Variants in MDGA2 observed in about 807,000 individuals in gnomAD.
The protein encoded by MDGA2 is MAM domain containing glycosylphosphatidylinositol anchor 2.
A neutral mutation model predicts 117.8 loss-of-function variants in MDGA2; 40 were observed. The ratio of observed to expected loss-of-function variants is 0.34; its 90% CI spans 0.26 to 0.44. MDGA2 has a LOEUF of 0.44. Among genes scored for constraint, MDGA2 ranks in the 20% least tolerant of loss-of-function variants. The probability of loss-of-function intolerance (pLI) is 1.00; values close to 1 mark genes in which losing one functional copy is unlikely to be tolerated. For synonymous variants in MDGA2, 452 were observed against 439.0 expected (o/e 1.03, Z -0.37); for missense variants, 1,123 against 1,250.6 (o/e 0.90, Z 1.54).
At position 47,086,236 on chromosome 14, in the gene MDGA2, A is replaced by G. The variant is rs762262604; in HGVS notation, c.1195+10618T>C. ...ATTCTCATACAGTTTTCAGAAAAGT[A>G]TATTTGTTGAGCCAACAAAGTAAAA... is the stretch of plus-strand genomic sequence containing the variant. On this transcript the variant is annotated intron_variant, in intron 6 of 16. Coordinates refer to ENST00000399232, the MANE Select transcript of MDGA2 (RefSeq NM_001113498.3). Among the ~76,000 whole-genome samples, 7 of 152,070 alleles carry G rather than the reference A, an allele frequency of 4.6e-5. No homozygotes were observed. In the East Asian group the frequency reaches 1.2e-3, roughly 25 times the overall value.
intron 1 of MDGA2, among the ~76,000 whole-genome samples, chr14:47,636,428 G>A (rs1693022009): frequency 6.6e-6 from 1 of 152,062 alleles, no homozygotes; most frequent in Non-Finnish European, 1.5e-5. Context: ...CACTAAAATT[G>A]TTGTAGCTAC....
intron 2 of MDGA2, among the ~76,000 whole-genome samples, chr14:47,230,509 C>G (rs1886652761): frequency 6.6e-6 from 1 of 151,976 alleles, no homozygotes. Flanking sequence ...ATCTGCCCCT[C>G]TGCATTTTTC....
chr14:47,443,714 T>C (rs1893063003), intron 1 of MDGA2, among the ~76,000 whole-genome samples: 1 of 152,154 alleles, frequency 6.6e-6, no homozygotes, highest in Non-Finnish European at 1.5e-5. Context: ...AGAATAAAAA[T>C]TGAGATATCA....
At chr14:47,454,900 C>T (rs1416006429) in intron 1 of MDGA2, among the ~76,000 whole-genome samples, 1 of 152,150 alleles carries the variant, frequency 6.6e-6, no homozygotes, top group Non-Finnish European at 1.5e-5. Flanking sequence ...ACATTCACTC[C>T]TGGAAATGGG....
chr14:47,256,253 TG>T (rs1258813032), intron 2 of MDGA2, among the ~76,000 whole-genome samples: 1 of 152,046 alleles, frequency 6.6e-6, no homozygotes, highest in Non-Finnish European at 1.5e-5. Context: ...AATTTTGGGA[TG>T]GTTTGAGAAA....
chr14:47,058,580 C>G (rs1889766626), intron 7 of MDGA2: 1 of 984,930 alleles, frequency 1.0e-6, no homozygotes, highest in Non-Finnish European at 1.2e-6. Context: ...TAGAATACAC[C>G]TATTTTCATA....
intron 1 of MDGA2, among the ~76,000 whole-genome samples, chr14:47,393,025 G>C (rs1891931230): frequency 6.6e-6 from 1 of 151,502 alleles, no homozygotes. Flanking sequence ...ATCTTCCAAA[G>C]TCTTAAAAAC....
At chr14:47,631,583 T>G (rs1897249387) in intron 1 of MDGA2, among the ~76,000 whole-genome samples, 1 of 152,170 alleles carries the variant, frequency 6.6e-6, no homozygotes, top group African/African-American at 2.4e-5. Context: ...GTTAGCCTGG[T>G]TTCTACCTCA....
chr14:47,575,998 G>A (rs1896109421), intron 1 of MDGA2, among the ~76,000 whole-genome samples: 1 of 152,064 alleles, frequency 6.6e-6, no homozygotes, highest in Non-Finnish European at 1.5e-5. Flanking sequence ...TCCTTTATCA[G>A]TGTTATAAAT....
At chr14:47,426,076 T>C (rs1309364466) in intron 1 of MDGA2, among the ~76,000 whole-genome samples, 3 of 152,094 alleles carry the variant, frequency 2.0e-5, no homozygotes, top group Admixed American at 1.3e-4. Flanking sequence ...AGAGTACTGA[T>C]TGTTTATTTT....
intron 6 of MDGA2, among the ~76,000 whole-genome samples, chr14:47,072,676 G>C (rs1051122671): frequency 1.6e-4 from 24 of 152,124 alleles, no homozygotes; most frequent in African/African-American, 5.6e-4. Context: ...TTTTGGTATA[G>C]AGTCCAGCCA....
At chr14:47,491,387 C>A (rs966255944) in intron 1 of MDGA2, among the ~76,000 whole-genome samples, 1 of 152,040 alleles carries the variant, frequency 6.6e-6, no homozygotes, top group Non-Finnish European at 1.5e-5. Flanking sequence ...GATTTCCTTT[C>A]CTCTATGAGA....
At chr14:46,853,695 A>G (rs1881152700) in intron 15 of MDGA2, among the ~76,000 whole-genome samples, 1 of 151,802 alleles carries the variant, frequency 6.6e-6, no homozygotes, top group East Asian at 1.9e-4. Flanking sequence ...TGACCTTGGT[A>G]TTTTTGTTTA....
chr14:47,054,999 TTTC>T (rs1245478979), intron 7 of MDGA2, among the ~76,000 whole-genome samples: 5 of 73,006 alleles, frequency 6.8e-5, no homozygotes, highest in African/African-American at 2.2e-4. Context: ...TTTTTTTTCT[TTTC>T]TTTTTTTTTT....
At chr14:47,111,008 C>T (rs1007627237) in intron 5 of MDGA2, among the ~76,000 whole-genome samples, 1 of 152,006 alleles carries the variant, frequency 6.6e-6, no homozygotes, top group Non-Finnish European at 1.5e-5. Context: ...GCATACCAGG[C>T]ATTGGAGATG....
At chr14:47,371,239 T>A (rs1043778432) in intron 1 of MDGA2, among the ~76,000 whole-genome samples, 3 of 151,970 alleles carry the variant, frequency 2.0e-5, no homozygotes, top group Non-Finnish European at 3.0e-5. Flanking sequence ...ATGATATTTT[T>A]AAAAATAAAC....
chr14:47,437,754 C>G (rs1333269513), intron 1 of MDGA2, among the ~76,000 whole-genome samples: 1 of 152,130 alleles, frequency 6.6e-6, no homozygotes, highest in African/African-American at 2.4e-5. Flanking sequence ...AACAAACAAG[C>G]ACAGCTGGAA....
At chr14:47,134,565 T>C (rs1408399683) in intron 4 of MDGA2, among the ~76,000 whole-genome samples, 4 of 151,654 alleles carry the variant, frequency 2.6e-5, no homozygotes, top group African/African-American at 9.7e-5. Flanking sequence ...AGACAAATTA[T>C]CAGGACAAAA....
chr14:47,128,380 T>A (rs1056054800), intron 5 of MDGA2, among the ~76,000 whole-genome samples: 3 of 152,104 alleles, frequency 2.0e-5, no homozygotes, highest in Non-Finnish European at 4.4e-5. Flanking sequence ...TACTAGTGTT[T>A]TTTTCTTCCT....
Sources: allele counts gnomAD v4.1 joint callset (sites outside exome capture counted in the v4.1 genomes callset), GRCh38; gene constraint gnomAD v4.1.1; transcripts MANE v1.5; gene names NCBI Gene and HGNC (gene_info 2026-07-23, HGNC 2026-07-21).